SHISA9: variants seen among roughly 807,000 people sequenced by gnomAD.
SHISA9 encodes shisa family member 9, also known as protein shisa-9.
In SHISA9, 13 loss-of-function variants were observed where a neutral mutation model predicts 38.0. The ratio of observed to expected loss-of-function variants is 0.34; its 90% confidence interval spans 0.22 to 0.54. The LOEUF is 0.54. Among genes scored for constraint, SHISA9 ranks in the 20% least tolerant of loss-of-function variants. The pLI, the probability that SHISA9 is intolerant of heterozygous loss-of-function variation, is 0.91. For synonymous variants in SHISA9, 275 were observed against 242.0 expected (o/e 1.14, Z -1.27); for missense variants, 538 against 575.8 (o/e 0.93, Z 0.67).
intron 2 of SHISA9, among the ~76,000 whole-genome samples, chr16:13,172,743 T>A (rs1032192359): frequency 1.7e-4 from 18 of 106,034 alleles, no homozygotes; most frequent in African/African-American, 6.0e-4. Flanking sequence ...TCTTGATGAT[T>A]TTTTTTTTTT....
At chr16:13,076,029 ATT>A (rs35313169) in intron 2 of SHISA9, among the ~76,000 whole-genome samples, 114 of 135,364 alleles carry the variant, frequency 8.4e-4, no homozygotes, top group Admixed American at 2.8e-3. Context: ...TGAGAAATAG[ATT>A]TTTTTTTTTT....
the SHISA9 span, among the ~76,000 whole-genome samples, chr16:13,384,685 G>A: frequency 1.3e-5 from 2 of 152,162 alleles, no homozygotes; most frequent in Admixed American, 1.3e-4. Flanking sequence ...CTTCCGTGAA[G>A]GAAAATGAAG....
At chr16:13,121,039 G>A (rs113472745) in intron 2 of SHISA9, among the ~76,000 whole-genome samples, 17 of 152,014 alleles carry the variant, frequency 1.1e-4, no homozygotes, top group Non-Finnish European at 2.1e-4. Context: ...TGTCATAGGC[G>A]ATTAAAATAA....
the SHISA9 span, among the ~76,000 whole-genome samples, chr16:13,385,046 T>C: frequency 5.3e-5 from 8 of 152,098 alleles, no homozygotes; most frequent in African/African-American, 1.2e-4. Context: ...AAAGAAGATA[T>C]GCATGAAAAA....
At chr16:13,464,883 C>T in the SHISA9 span, among the ~76,000 whole-genome samples, 463 of 150,830 alleles carry the variant, frequency 3.1e-3, 4 homozygotes, top group African/African-American at 0.011. Flanking sequence ...TCATTAAATC[C>T]TACATCTAGA....
At chr16:13,177,898 G>C (rs1235122887) in intron 2 of SHISA9, among the ~76,000 whole-genome samples, 1 of 152,132 alleles carries the variant, frequency 6.6e-6, no homozygotes, top group Non-Finnish European at 1.5e-5. Flanking sequence ...TGAAACCCCT[G>C]ACCTCGTGAT....
At chr16:13,488,358 C>A in the SHISA9 span, among the ~76,000 whole-genome samples, 1 of 152,114 alleles carries the variant, frequency 6.6e-6, no homozygotes, top group Non-Finnish European at 1.5e-5. Flanking sequence ...CACTGTCATA[C>A]TTCAACATAA....
At position 13,105,575 on chromosome 16, in the gene SHISA9, G is replaced by C. The variant is rs190271805; in HGVS notation, c.692-97819G>C. ...TTAGACTGGTTGTGGGGAGACTCCG[G>C]AGGAGGGAGGTCTTGGCCCGTGCCA... is the stretch of plus-strand genomic sequence containing the variant. On this transcript the variant is annotated intron_variant, in intron 2 of 4. Transcript: ENST00000558583. Among the ~76,000 whole-genome samples, 11 of 152,364 alleles carry C rather than the reference G, an allele frequency of 7.2e-5. No homozygotes were observed. In the East Asian group the frequency reaches 1.5e-3, roughly 21 times the overall value.
rs1329051885 is a variant in SHISA9 at position 13,235,469 on chromosome 16, C to T, written c.*60C>T. 1.4e-6 allele frequency: 2 copies of T among 1,465,246 alleles called. No individual in the cohort carries two copies. The highest frequency in any genetic ancestry group is 5.0e-5 in the East Asian group (2 of 40,338). 90.8% of individuals were successfully genotyped at this position (1,465,246 alleles called of 1,614,324 possible). ...TCAACTGAGAGAGGCAAAAAACAAC[C>T]CCGCCCACACCCTCCCCATCCTCCC... is the stretch of plus-strand genomic sequence containing the variant. On this transcript the variant is annotated 3_prime_UTR_variant, in exon 5 of 5. Coordinates refer to ENST00000558583, the MANE Select transcript of SHISA9 (RefSeq NM_001145204.3).
At chr16:13,008,002 C>T (rs1054185978) in intron 2 of SHISA9, among the ~76,000 whole-genome samples, 7 of 152,268 alleles carry the variant, frequency 4.6e-5, no homozygotes, top group African/African-American at 7.2e-5. Flanking sequence ...GGCTTTGTAC[C>T]GCAAGCCTCT....
the SHISA9 span, among the ~76,000 whole-genome samples, chr16:13,328,687 G>T: frequency 1.3e-5 from 2 of 151,714 alleles, no homozygotes; most frequent in Non-Finnish European, 2.9e-5. Flanking sequence ...TGGCCAGGCT[G>T]GTCTTGTACC....
intron 2 of SHISA9, among the ~76,000 whole-genome samples, chr16:12,998,646 C>A (rs928193865): frequency 3.9e-5 from 6 of 152,168 alleles, no homozygotes; most frequent in African/African-American, 1.4e-4. Context: ...CCTCCCACCT[C>A]GGTCTTCCTG....
At chr16:12,991,884 T>A (rs2072391146) in intron 2 of SHISA9, among the ~76,000 whole-genome samples, 1 of 152,102 alleles carries the variant, frequency 6.6e-6, no homozygotes. Flanking sequence ...AGAAAAAAAA[T>A]ATATCCTTAG....
At chr16:12,904,116 C>A (rs947602229) in intron 1 of SHISA9, among the ~76,000 whole-genome samples, 2 of 152,102 alleles carry the variant, frequency 1.3e-5, no homozygotes, top group African/African-American at 4.8e-5. Context: ...GCCCCGCCCA[C>A]CTTCCGCAAC....
At chr16:13,200,196 C>G (rs558777410) in intron 2 of SHISA9, among the ~76,000 whole-genome samples, 6 of 152,012 alleles carry the variant, frequency 3.9e-5, no homozygotes, top group Non-Finnish European at 8.8e-5. Flanking sequence ...TCTCTAACTC[C>G]CCCATCCTTT....
rs556872741 is a variant in SHISA9 at position 13,228,662 on chromosome 16, G to C, written c.896-6368G>C. On this transcript the variant is annotated intron_variant, in intron 4 of 4. Transcript: ENST00000558583. ...AAAGATAGCTTCCACCCCTATTCTT[G>C]CCCTATATTCTCTATGTTCTCACTG... 8.5e-5 allele frequency among the ~76,000 whole-genome samples: 13 copies of C among 152,126 alleles called. No individual in the cohort carries two copies. In the South Asian group the frequency reaches 2.7e-3, roughly 32 times the overall value.
At chr16:13,415,504 G>T in the SHISA9 span, among the ~76,000 whole-genome samples, 3 of 152,004 alleles carry the variant, frequency 2.0e-5, no homozygotes, top group Admixed American at 2.0e-4. Flanking sequence ...TTAATACCTG[G>T]GTGATGAAAT....
chr16:13,329,821 G>A, the SHISA9 span, among the ~76,000 whole-genome samples: 1 of 152,196 alleles, frequency 6.6e-6, no homozygotes, highest in African/African-American at 2.4e-5. Flanking sequence ...ATTTGGGGTT[G>A]TTTGTTCGGG....
At chr16:13,179,542 C>G (rs781261030) in intron 2 of SHISA9, among the ~76,000 whole-genome samples, 3 of 152,168 alleles carry the variant, frequency 2.0e-5, no homozygotes, top group Non-Finnish European at 4.4e-5. Context: ...AGGACTCACA[C>G]CTAAGAAAAT....
Sources: gnomAD v4.1 joint callset for allele counts (sites outside exome capture counted in the v4.1 genomes callset) on GRCh38, gnomAD v4.1.1 for gene constraint, MANE v1.5 for transcripts, NCBI Gene and HGNC (gene_info 2026-07-23, HGNC 2026-07-21) for gene names.